ADGRD1: variants seen among roughly 807,000 people sequenced by gnomAD.
ADGRD1 encodes the protein G-protein coupled receptor 133.
A neutral mutation model predicts 113.4 loss-of-function variants in ADGRD1; 77 were observed. The observed-to-expected ratio is 0.68, with a 90% confidence interval of 0.57 to 0.82. The LOEUF is 0.82. Ranked by LOEUF, ADGRD1 falls within the 40% of genes least tolerant of loss-of-function variation. The pLI, the probability that ADGRD1 is intolerant of heterozygous loss-of-function variation, is 0.00. For synonymous variants in ADGRD1, 474 were observed against 475.0 expected (o/e 1.00, Z 0.03); for missense variants, 1,036 against 1,139.1 (o/e 0.91, Z 1.30).
intron 18 of ADGRD1, among the ~76,000 whole-genome samples, chr12:131,117,560 G>T (rs1314230371): frequency 1.3e-5 from 2 of 152,146 alleles, no homozygotes; most frequent in African/African-American, 4.8e-5. Flanking sequence ...CAGTTTCGAA[G>T]AAAGCCCTTG....
chr12:131,007,030 C>T (rs1237204538), intron 12 of ADGRD1, among the ~76,000 whole-genome samples: 1 of 152,238 alleles, frequency 6.6e-6, no homozygotes, highest in Non-Finnish European at 1.5e-5. Flanking sequence ...AGGAAGCTGG[C>T]CTTGCTGTGA....
intron 4 of ADGRD1, among the ~76,000 whole-genome samples, chr12:130,972,069 G>A (rs1004133871): frequency 3.3e-5 from 5 of 152,130 alleles, no homozygotes; most frequent in African/African-American, 9.7e-5. Flanking sequence ...CCCGGCAAGC[G>A]GTCGCAGGCT....
intron 13 of ADGRD1, among the ~76,000 whole-genome samples, chr12:131,072,565 C>T (rs73166644): frequency 0.23 from 34,716 of 152,012 alleles, 4,741 homozygotes; most frequent in South Asian, 0.43. Flanking sequence ...GAGATCTGGC[C>T]CCATGATCTC....
Position 131,013,615 on chromosome 12 carries a change from C to T in ADGRD1, c.1332-584C>T, listed in dbSNP as rs117185863. On this transcript the variant is annotated intron_variant, in intron 12 of 24. Transcript: ENST00000261654. ...GCTTCCTCCTGAGCCAAGATAGAGTCAACTCCAGGCTGTGTGGGCTGTGAG... is the reference window on the plus strand; with the variant it reads ...GCTTCCTCCTGAGCCAAGATAGAGTTAACTCCAGGCTGTGTGGGCTGTGAG... Among the ~76,000 whole-genome samples, 174 of 152,304 alleles carry T rather than the reference C, an allele frequency of 1.1e-3. 3 individuals carry two copies. In the East Asian group the frequency reaches 0.026, roughly 23 times the overall value.
Position 131,113,439 on chromosome 12 carries a change from C to T in ADGRD1, c.2041+4562C>T, listed in dbSNP as rs1377722931. Among the ~76,000 whole-genome samples the T allele has an allele frequency of 1.3e-5, 2 of 152,148 alleles. No individual in the cohort carries two copies. Among genetic ancestry groups the T allele is most frequent in the Non-Finnish European group, 2.9e-5 (2 of 68,030 alleles). ...CTCTAGGTTGGGCTGTGCATTGACA[C>T]TTAGCATTCTCGCAGTTGTTGTAAA... On this transcript the variant is annotated intron_variant, in intron 18 of 24. Coordinates refer to ENST00000261654, the MANE Select transcript of ADGRD1 (RefSeq NM_198827.5). This position sits in a 1 kb window ranked among gnomAD's most constrained non-coding sequence, Gnocchi z 4.9.
At chr12:130,999,040 T>G (rs2091453) in intron 8 of ADGRD1, among the ~76,000 whole-genome samples, 68,106 of 152,190 alleles carry the variant, frequency 0.45, 17,809 homozygotes, top group East Asian at 0.77. Context: ...AATACATTAT[T>G]AAAATTAGTT....
chr12:131,104,718 T>C (rs1566113462), intron 15 of ADGRD1, 113 bp from the exon 16 acceptor site: 3 of 640,590 alleles, frequency 4.7e-6, no homozygotes, highest in East Asian at 6.0e-5. Flanking sequence ...GGCTTGGTGG[T>C]CAGCACCACA....
chr12:130,977,733 C>T (rs1872494571), intron 4 of ADGRD1: 1 of 152,372 alleles, frequency 6.6e-6, no homozygotes, highest in Non-Finnish European at 1.5e-5. Context: ...CCCGAGTCAG[C>T]CTTCAGCTGT....
intron 14 of ADGRD1, among the ~76,000 whole-genome samples, chr12:131,082,353 A>C (rs1489243056): frequency 6.6e-6 from 1 of 152,204 alleles, no homozygotes; most frequent in Non-Finnish European, 1.5e-5. Flanking sequence ...TTATTTATGC[A>C]CAAGCTGCAA....
chr12:131,032,217 C>T (rs540370270), intron 13 of ADGRD1, among the ~76,000 whole-genome samples: 2 of 152,268 alleles, frequency 1.3e-5, no homozygotes, highest in African/African-American at 4.8e-5. Flanking sequence ...ATTCAGTAGG[C>T]GGCAGACGTT....
rs767712053 is a variant in ADGRD1, at chr12:131,084,579, CA to C, written c.1588del (p.Thr530ArgfsTer65). 6.2e-7 allele frequency: 1 copy of C among 1,614,126 alleles called. No individual in the cohort carries two copies. Among genetic ancestry groups the C allele is most frequent in the Non-Finnish European group, 8.5e-7 (1 of 1,180,012 alleles). On this transcript the variant is annotated frameshift_variant, in exon 15 of 25. Coordinates refer to ENST00000261654, the MANE Select transcript of ADGRD1 (RefSeq NM_198827.5). LOFTEE classifies it high-confidence loss of function. This position sits in a 1 kb window ranked among gnomAD's most constrained non-coding sequence, Gnocchi z 4.5. ...TCTGGTCGAACCACGGCTGTGCGCT[CA>C]CGAGAGGAAACCTCACCTACTCCGT... ...GVWSNHGCAL[T>X]RGNLTYSVCR...
In ADGRD1 at chr12:131,030,213, C is replaced by T. The variant is rs1046534271; in HGVS notation, c.1473+15873C>T. Among the ~76,000 whole-genome samples, 4 of 120,776 alleles carry T rather than the reference C, an allele frequency of 3.3e-5. 1 individual carries two copies. The highest frequency in any genetic ancestry group is 1.4e-4 in the African/African-American group (4 of 27,996). The allele number at this position is 120,776 out of a possible 152,430, so 79.2% of individuals were successfully genotyped here. ...CTCTGGGGTTAGGTTGTGGACCCGT[C>T]GTAGGTGACATTCCCAGGCTCTGGG... is the stretch of plus-strand genomic sequence containing the variant. On this transcript the variant is annotated intron_variant, in intron 13 of 24. Coordinates refer to ENST00000261654, the MANE Select transcript of ADGRD1 (RefSeq NM_198827.5).
rs145931153 is a variant in ADGRD1, at chr12:131,017,700, C to A, written c.1473+3360C>A. 1.3e-3 allele frequency among the ~76,000 whole-genome samples: 193 copies of A among 149,946 alleles called. 2 individuals carry two copies. The highest frequency in any genetic ancestry group is 2.0e-3 in the Non-Finnish European group (137 of 67,552). On this transcript the variant is annotated intron_variant, in intron 13 of 24. Coordinates refer to ENST00000261654, the MANE Select transcript of ADGRD1 (RefSeq NM_198827.5). ...CAGACACAAACACCCAGTGCACACA[C>A]ACCCAGTGCTCACACACCCAGTACA...
At chr12:131,011,799 G>A (rs1479632995) in intron 12 of ADGRD1, among the ~76,000 whole-genome samples, 1 of 152,246 alleles carries the variant, frequency 6.6e-6, no homozygotes, top group Non-Finnish European at 1.5e-5. Flanking sequence ...ATGGAGCTCT[G>A]CAGAAAAGGC....
chr12:131,124,926 C>G (rs1469478821), intron 20 of ADGRD1, among the ~76,000 whole-genome samples: 1 of 152,190 alleles, frequency 6.6e-6, no homozygotes, highest in Non-Finnish European at 1.5e-5. Context: ...ACAGCTTAAA[C>G]AAATTTATTT....
intron 24 of ADGRD1, 80 bp downstream of exon 24, chr12:131,138,309 A>G: frequency 8.3e-7 from 1 of 1,202,906 alleles, no homozygotes; most frequent in Non-Finnish European, 1.2e-6. Flanking sequence ...TGGGGTGTGC[A>G]GGCAGCAGAG....
intron 15 of ADGRD1, among the ~76,000 whole-genome samples, chr12:131,099,847 GTCTT>G: frequency 6.6e-6 from 1 of 152,330 alleles, no homozygotes. Flanking sequence ...AGAGCCATAT[GTCTT>G]TCTTTTTAGT....
At chr12:131,015,933 G>A (rs908393533) in intron 13 of ADGRD1, among the ~76,000 whole-genome samples, 25 of 152,348 alleles carry the variant, frequency 1.6e-4, no homozygotes, top group African/African-American at 6.0e-4. Flanking sequence ...CCCTGCAGGA[G>A]AATTTACACT....
intron 6 of ADGRD1, chr12:130,990,301 T>A (rs1038820189): frequency 6.6e-6 from 1 of 152,260 alleles, no homozygotes; most frequent in Non-Finnish European, 1.5e-5. Flanking sequence ...TGTCATTTCC[T>A]CAGCTCATCC....
Sources: gnomAD v4.1 joint callset for allele counts (sites outside exome capture counted in the v4.1 genomes callset) on GRCh38, gnomAD v4.1.1 for gene constraint, Gnocchi (gnomAD v3.1) non-coding constraint, MANE v1.5 for transcripts, NCBI Gene and HGNC (gene_info 2026-07-23, HGNC 2026-07-21) for gene names.